NCOA6: variants seen among roughly 807,000 people sequenced by gnomAD.
NCOA6 encodes the protein NRC RAP250.
Under a neutral mutation model 171.4 loss-of-function variants are expected in NCOA6, and 49 were observed. The observed-to-expected ratio is 0.29, with a 90% CI of 0.23 to 0.36. NCOA6 has a LOEUF of 0.36. Among genes scored for constraint, NCOA6 ranks in the 10% least tolerant of loss-of-function variants. The pLI, the probability that NCOA6 is intolerant of heterozygous loss-of-function variation, is 1.00. For missense variants in NCOA6, 2,248 were observed against 2,554.5 expected (o/e 0.88, Z 2.59); for synonymous variants, 910 against 927.5 (o/e 0.98, Z 0.34).
At chr20:34,722,461 C>G (rs2146958112) in intron 14 of NCOA6, among the ~76,000 whole-genome samples, 1 of 151,744 alleles carries the variant, frequency 6.6e-6, no homozygotes, top group African/African-American at 2.4e-5. Context: ...GGGAGGATCA[C>G]TTGAGGCTAG....
At chr20:34,764,104 T>C (rs1281512924) in intron 5 of NCOA6, among the ~76,000 whole-genome samples, 1 of 151,686 alleles carries the variant, frequency 6.6e-6, no homozygotes, top group East Asian at 2.0e-4. Flanking sequence ...TTTTTGTTTT[T>C]TGAGAGGGAG....
chr20:34,787,138 C>T (rs554385911), intron 2 of NCOA6, among the ~76,000 whole-genome samples: 1 of 151,180 alleles, frequency 6.6e-6, no homozygotes, highest in South Asian at 2.1e-4. Flanking sequence ...AAAAAAACAA[C>T]CCCATTAAAA....
At chr20:34,761,905 C>T (rs533877186) in intron 5 of NCOA6, among the ~76,000 whole-genome samples, 18 of 152,108 alleles carry the variant, frequency 1.2e-4, no homozygotes, top group Non-Finnish European at 2.6e-4. Context: ...CTGCCTGTCT[C>T]GGCCTCCCAA....
In NCOA6 at chr20:34,727,294, G is replaced by T; in HGVS notation, c.6113C>A (p.Ser2038Tyr). The stretch of plus-strand genomic sequence containing the variant: ...GCTGGAGGCTGAAGCAGGTCGAGAA[G>T]ATCGTTTACGATGTCCATTTTCCAC... ...ESVENGHRKR[S>Y]SRPASASSST... Residue 2038 changes from serine (S) to tyrosine (Y), a missense_variant, in exon 14 of 15, where the codon TCT (serine) becomes TAT (tyrosine). Ser to Tyr is a moderately radical substitution (Grantham distance 144, BLOSUM62 -2). Coordinates refer to ENST00000359003, the MANE Select transcript of NCOA6 (RefSeq NM_014071.5). 1 of 1,614,236 alleles carries T rather than the reference G, an allele frequency of 6.2e-7. No individual in the cohort carries two copies. Among genetic ancestry groups the T allele is most frequent in the Non-Finnish European group, 8.5e-7 (1 of 1,180,040 alleles).
At chr20:34,721,206 G>A (rs1989269680) in intron 14 of NCOA6, among the ~76,000 whole-genome samples, 1 of 102,716 alleles carries the variant, frequency 9.7e-6, no homozygotes, top group Admixed American at 1.3e-4. Flanking sequence ...ACCCAAAAGG[G>A]ACCTATCTCC....
At chr20:34,810,989 C>T (rs530783011) in intron 1 of NCOA6, among the ~76,000 whole-genome samples, 67 of 151,114 alleles carry the variant, frequency 4.4e-4, no homozygotes, top group Admixed American at 1.5e-3. Context: ...GGTGATAGAA[C>T]GGAAAAAGGG....
intron 1 of NCOA6, among the ~76,000 whole-genome samples, chr20:34,793,406 CA>C (rs2077959383): frequency 6.6e-6 from 1 of 152,054 alleles, no homozygotes; most frequent in African/African-American, 2.4e-5. Flanking sequence ...AATATCTATA[CA>C]TTATATTTTT....
intron 14 of NCOA6, among the ~76,000 whole-genome samples, chr20:34,720,390 C>T (rs1249469828): frequency 6.6e-6 from 1 of 152,172 alleles, no homozygotes; most frequent in East Asian, 1.9e-4. Context: ...GACCAAAAAC[C>T]ATGTGGGCCT....
rs750497046 is a variant in NCOA6, at chr20:34,757,415, T to C, written c.1333A>G (p.Thr445Ala). Residue 445 changes from threonine (T) to alanine (A), a missense_variant, in exon 7 of 15, where the codon ACG becomes GCG. Physicochemically the swap from Thr to Ala is moderately conservative, Grantham distance 58 (BLOSUM62 0). Coordinates refer to ENST00000359003, the MANE Select transcript of NCOA6 (RefSeq NM_014071.5). ...ATCTGCTGCTGAGTTTGGTTAACCG[T>C]TGGGGAGGATGCAGGGGATCCCTGC... is the stretch of plus-strand genomic sequence containing the variant. ...FQQGSPASSP[T>A]VNQTQQQMGP... 8 of 1,613,410 alleles carry C rather than the reference T, an allele frequency of 5.0e-6. No individual in the cohort carries two copies. The East Asian group carries it at 1.3e-4, about 27-fold the overall frequency.
At chr20:34,812,210 G>A (rs540744693) in intron 1 of NCOA6, among the ~76,000 whole-genome samples, 2 of 151,386 alleles carry the variant, frequency 1.3e-5, no homozygotes, top group Non-Finnish European at 2.9e-5. Flanking sequence ...CTGAGATTGC[G>A]CCACTGCACT....
Position 34,742,318 on chromosome 20 carries a change from C to T in NCOA6, c.3938G>A (p.Gly1313Glu). ...TGTTGCTCCAGAATTAGACTGCTTTCCAGAATTCACTACCACAGAATCTAA... is the reference window on the plus strand; with the variant it reads ...TGTTGCTCCAGAATTAGACTGCTTTTCAGAATTCACTACCACAGAATCTAA... ...HKLDSVVVNS[G>E]KQSNSGATKR... The change falls in exon 11 of 15, where the codon GGA becomes GAA. Residue 1313 changes from glycine to glutamate, a missense_variant. Gly to Glu is a moderately conservative substitution (Grantham distance 98). Around this residue, in one of 7 missense-constraint regions of NCOA6, gnomAD observed 884 missense variants for 941.9 expected, o/e 0.94. Coordinates refer to ENST00000359003, the MANE Select transcript of NCOA6 (RefSeq NM_014071.5). The T allele has an allele frequency of 1.9e-6, 3 of 1,614,170 alleles. No individual in the cohort carries two copies. The highest frequency in any genetic ancestry group is 2.5e-6 in the Non-Finnish European group (3 of 1,180,032).
At chr20:34,796,183 G>T (rs909261012) in intron 1 of NCOA6, among the ~76,000 whole-genome samples, 1 of 150,892 alleles carries the variant, frequency 6.6e-6, no homozygotes, top group Non-Finnish European at 1.5e-5. Flanking sequence ...CTAATTTTTT[G>T]ATTATTTGTA....
rs2145602479 is a variant in NCOA6 at position 34,743,396 on chromosome 20, C to T, written c.2915-55G>A. On this transcript the variant is annotated intron_variant, in intron 10 of 14. Transcript: ENST00000359003. ...TAGATTTTTCAGCAAGAAAATGTTG[C>T]TACCTTTAGAGTATAGCCAAGCAAT... 1.9e-6 allele frequency: 3 copies of T among 1,538,492 alleles called. No homozygotes were observed. The African/African-American group carries it at 4.1e-5, about 21-fold the overall frequency.
At chr20:34,808,396 G>A (rs1157782986) in intron 1 of NCOA6, among the ~76,000 whole-genome samples, 2 of 149,166 alleles carry the variant, frequency 1.3e-5, no homozygotes, top group Admixed American at 6.7e-5. Context: ...ACAGTGGCCA[G>A]TTCTGCTTTA....
At chr20:34,758,152 G>C in intron 6 of NCOA6, 48 bp from the exon 7 acceptor site, 2 of 1,547,192 alleles carry the variant, frequency 1.3e-6, no homozygotes, top group Non-Finnish European at 1.7e-6. Flanking sequence ...CTGCAATCTA[G>C]ATCTTAGAGA....
chr20:34,805,557 T>G (rs941894461), intron 1 of NCOA6, among the ~76,000 whole-genome samples: 12 of 152,210 alleles, frequency 7.9e-5, no homozygotes, highest in African/African-American at 2.9e-4. Flanking sequence ...GTTGATTATC[T>G]TGGCTATTGT....
intron 14 of NCOA6, 31 bp downstream of exon 14, chr20:34,727,228 C>T (rs749553699): frequency 6.2e-7 from 1 of 1,607,986 alleles, no homozygotes; most frequent in South Asian, 1.1e-5. Context: ...TCTATTTGAC[C>T]CACAAATAGC....
Position 34,741,812 on chromosome 20 carries a change from G to A in NCOA6, c.4444C>T (p.Pro1482Ser). ...SVEENKNLVS[P>S]AMREAPTSLS... ...GATGTTGGTGCTTCCCTCATAGCAG[G>A]AGACACCAAATTTTTGTTCTCTTCG... The change falls in exon 11 of 15, where the codon CCT (proline) becomes TCT (serine). Residue 1482 changes from proline (P) to serine (S), a missense_variant. Pro to Ser is a moderately conservative substitution (Grantham distance 74, BLOSUM62 -1). This residue lies in a region of NCOA6 where 884 missense variants were observed against 941.9 expected (regional missense o/e 0.94). Coordinates refer to ENST00000359003, the MANE Select transcript of NCOA6 (RefSeq NM_014071.5). 2.5e-6 allele frequency: 4 copies of A among 1,614,188 alleles called. No homozygotes were observed. Among genetic ancestry groups the A allele is most frequent in the African/African-American group, 1.3e-5 (1 of 75,032 alleles).
In NCOA6 at chr20:34,740,561, C is replaced by T; in HGVS notation, c.5695G>A (p.Ala1899Thr). The change falls in exon 11 of 15, where the codon GCC becomes ACC. Residue 1899 changes from alanine (A) to threonine (T), a missense_variant. Physicochemically the swap from Ala to Thr is moderately conservative, Grantham distance 58. Transcript: ENST00000359003. ...MTSSPVGPGT[A>T]SAGPSLPGGA... ...CCAGGTAAGCTGGGTCCTGCTGAGG[C>T]AGTGCCCGGGCCCACAGGGCTAGAG... 6.2e-7 allele frequency: 1 copy of T among 1,614,148 alleles called. No homozygotes were observed. Among genetic ancestry groups the T allele is most frequent in the Non-Finnish European group, 8.5e-7 (1 of 1,180,022 alleles).
Sources: allele counts gnomAD v4.1 joint callset (sites outside exome capture counted in the v4.1 genomes callset), GRCh38; gene constraint gnomAD v4.1.1; regional missense constraint gnomAD v4.1.1; transcripts MANE v1.5; gene names NCBI Gene and HGNC (gene_info 2026-07-23, HGNC 2026-07-21).